ARNT2: variants seen among roughly 807,000 people sequenced by gnomAD.
ARNT2 encodes ARNT protein 2.
Under a neutral mutation model 91.7 loss-of-function variants are expected in ARNT2, and 36 were observed. That is an observed-to-expected ratio of 0.39 (90% CI 0.30 to 0.52). The LOEUF is 0.52. ARNT2 is among the 20% of genes least tolerant of loss of function. The probability of loss-of-function intolerance (pLI) is 0.72; values close to 1 mark genes in which losing one functional copy is unlikely to be tolerated. For synonymous variants in ARNT2, 365 were observed against 347.1 expected (o/e 1.05, Z -0.57); for missense variants, 775 against 939.3 (o/e 0.83, Z 2.29).
At chr15:80,572,303 C>G (rs1898598520) in intron 12 of ARNT2, among the ~76,000 whole-genome samples, 1 of 152,116 alleles carries the variant, frequency 6.6e-6, no homozygotes, top group African/African-American at 2.4e-5. Flanking sequence ...CAGATTCTCA[C>G]CAAGCCTGTG....
At chr15:80,573,842 A>G (rs1898623457) in intron 12 of ARNT2, among the ~76,000 whole-genome samples, 1 of 152,136 alleles carries the variant, frequency 6.6e-6, no homozygotes, top group African/African-American at 2.4e-5. Context: ...TCAGCATTAA[A>G]CCCAACTGCT....
chr15:80,467,580 G>T (rs551707417), intron 3 of ARNT2, among the ~76,000 whole-genome samples: 3 of 152,306 alleles, frequency 2.0e-5, no homozygotes, highest in East Asian at 3.9e-4. Flanking sequence ...GGGCGGTGGC[G>T]TGCAGCCCTG....
chr15:80,470,328 A>T lies in ARNT2; in HGVS notation c.305A>T (p.Lys102Met). The change falls in exon 4 of 19, where the codon AAG (lysine) becomes ATG (methionine). Residue 102 changes from lysine (K) to methionine (M), a missense_variant. Physicochemically the swap from Lys to Met is moderately conservative, Grantham distance 95 (BLOSUM62 -1). Around this residue, in one of 5 missense-constraint regions of ARNT2, gnomAD observed 83 missense variants for 149.4 expected, o/e 0.56. Coordinates refer to ENST00000303329, the MANE Select transcript of ARNT2 (RefSeq NM_014862.4). ...AGCGCACTGGCTCGGAAGCCAGACA[A>T]GCTCACCATCCTCCGCATGGCCGTC... is the stretch of plus-strand genomic sequence containing the variant. The part of the protein sequence containing the change: ...TCSALARKPD[K>M]LTILRMAVSH... 6.2e-7 allele frequency: 1 copy of T among 1,614,212 alleles called. No individual in the cohort carries two copies. The highest frequency in any genetic ancestry group is 8.5e-7 in the Non-Finnish European group (1 of 1,180,042).
intron 6 of ARNT2, among the ~76,000 whole-genome samples, chr15:80,512,059 C>T (rs1000222166): frequency 3.7e-4 from 57 of 152,282 alleles, no homozygotes; most frequent in African/African-American, 1.3e-3. Context: ...TGCACTGGGG[C>T]GTCCGTTGCG....
chr15:80,582,995 A>G (rs1356033674), intron 17 of ARNT2, among the ~76,000 whole-genome samples: 1 of 152,180 alleles, frequency 6.6e-6, no homozygotes, highest in Non-Finnish European at 1.5e-5. Context: ...TCCTTCCCGG[A>G]AGCCCAGGGA....
intron 8 of ARNT2, among the ~76,000 whole-genome samples, chr15:80,550,184 G>C (rs1382776505): frequency 2.0e-5 from 3 of 152,200 alleles, no homozygotes; most frequent in African/African-American, 7.2e-5. Flanking sequence ...CAAAAGAAAT[G>C]CAGTAAGGAT....
chr15:80,444,001 A>G (rs148472029), intron 1 of ARNT2, among the ~76,000 whole-genome samples: 1 of 152,194 alleles, frequency 6.6e-6, no homozygotes, highest in African/African-American at 2.4e-5. Context: ...GATGTGTGTT[A>G]TAGAATGTGT....
intron 3 of ARNT2, among the ~76,000 whole-genome samples, chr15:80,468,645 G>T (rs893486492): frequency 6.9e-6 from 1 of 144,062 alleles, no homozygotes; most frequent in Non-Finnish European, 1.5e-5. Flanking sequence ...CCTCCTCTTC[G>T]CTATATCGTT....
At chr15:80,528,420 T>A (rs1056062048) in intron 8 of ARNT2, among the ~76,000 whole-genome samples, 70 of 149,120 alleles carry the variant, frequency 4.7e-4, no homozygotes, top group African/African-American at 1.6e-3. Flanking sequence ...CTATTTATCA[T>A]CTATCTATCC....
At chr15:80,426,821 G>A (rs1380883944) in intron 1 of ARNT2, among the ~76,000 whole-genome samples, 4 of 152,182 alleles carry the variant, frequency 2.6e-5, no homozygotes, top group Non-Finnish European at 4.4e-5. Flanking sequence ...CAGAGGCTGG[G>A]AAGTTCAATA....
At chr15:80,558,333 C>CTTT (rs56720700) in intron 11 of ARNT2, among the ~76,000 whole-genome samples, 9 of 103,346 alleles carry the variant, frequency 8.7e-5, no homozygotes, top group East Asian at 2.5e-4. Flanking sequence ...TACGTCTGTG[C>CTTT]TTTTTTTTTT....
chr15:80,443,888 G>C (rs1421473455), intron 1 of ARNT2, among the ~76,000 whole-genome samples: 2 of 152,228 alleles, frequency 1.3e-5, no homozygotes, highest in Non-Finnish European at 2.9e-5. Context: ...AACCAGCAAG[G>C]GGAAGCAGCT....
intron 5 of ARNT2, among the ~76,000 whole-genome samples, chr15:80,497,270 A>G (rs1295208858): frequency 6.6e-6 from 1 of 152,224 alleles, no homozygotes; most frequent in Admixed American, 6.5e-5. Context: ...AAAAGGAGAA[A>G]ATTGTATCTG....
Position 80,460,974 on chromosome 15 carries a change from G to A in ARNT2, c.194+2998G>A, listed in dbSNP as rs530169033. On this transcript the variant is annotated intron_variant, in intron 3 of 18. Coordinates refer to ENST00000303329, the MANE Select transcript of ARNT2 (RefSeq NM_014862.4). ...GAGCTGCAGGTGAGGCCAAGTGCGA[G>A]GCTGTGGGTGCATCAGAAGTGGAGG... Among the ~76,000 whole-genome samples, 5 of 152,258 alleles carry A rather than the reference G, an allele frequency of 3.3e-5. No homozygotes were observed. In the South Asian group the frequency reaches 8.3e-4, roughly 25 times the overall value.
intron 8 of ARNT2, among the ~76,000 whole-genome samples, chr15:80,532,647 C>T (rs1466312125): frequency 6.6e-6 from 1 of 152,182 alleles, no homozygotes. Flanking sequence ...GGAAGAAGCA[C>T]TCAGCCACCG....
intron 5 of ARNT2, among the ~76,000 whole-genome samples, chr15:80,497,068 C>T (rs962449936): frequency 3.3e-5 from 5 of 152,154 alleles, no homozygotes; most frequent in Admixed American, 6.5e-5. Context: ...GCCTAAGTGT[C>T]GATAATGTTG....
chr15:80,504,675 G>T (rs1253570376), intron 5 of ARNT2, among the ~76,000 whole-genome samples: 2 of 152,134 alleles, frequency 1.3e-5, no homozygotes, highest in African/African-American at 4.8e-5. Flanking sequence ...GGCTGAGGTG[G>T]GAGGATTGCT....
At chr15:80,486,786 A>G (rs765978751) in intron 5 of ARNT2, among the ~76,000 whole-genome samples, 2 of 152,206 alleles carry the variant, frequency 1.3e-5, no homozygotes, top group East Asian at 3.9e-4. Context: ...TCACCTATGC[A>G]GTGAGTCAGC....
In ARNT2 at chr15:80,581,166, G is replaced by A. The variant is rs576538273; in HGVS notation, c.1753-73G>A. The A allele has an allele frequency of 7.6e-6, 12 of 1,571,918 alleles. No individual in the cohort carries two copies. The East Asian group carries it at 2.5e-4, about 32-fold the overall frequency. On this transcript the variant is annotated intron_variant, in intron 16 of 18. Transcript: ENST00000303329. ...AGAGCAGGCACTGCCCCTGCGACCA[G>A]CCTGGGGCATCGGTTGGGGTGCAGG...
Sources: gnomAD v4.1 joint callset for allele counts (sites outside exome capture counted in the v4.1 genomes callset) on GRCh38, gnomAD v4.1.1 for gene constraint, gnomAD v4.1.1 regional missense constraint, MANE v1.5 for transcripts, NCBI Gene and HGNC (gene_info 2026-07-23, HGNC 2026-07-21) for gene names.